The following MYO6 variants were observed in gnomAD, a reference collection of about 807,000 sequenced individuals.
MYO6 encodes myosin VI.
In MYO6, 74 loss-of-function variants were observed where a neutral mutation model predicts 178.7. That is an observed-to-expected ratio of 0.41 (90% CI 0.34 to 0.50). MYO6 has a LOEUF of 0.50. Ranked by LOEUF, MYO6 falls within the 20% of genes least tolerant of loss-of-function variation. MYO6 has a pLI of 0.09. For synonymous variants in MYO6, 477 were observed against 504.6 expected (o/e 0.95, Z 0.73); for missense variants, 1,330 against 1,547.4 (o/e 0.86, Z 2.36).
At chr6:75,889,905 G>GT in intron 25 of MYO6, 152 bp from the exon 26 acceptor site, 1 of 683,178 alleles carries the variant, frequency 1.5e-6, no homozygotes, top group Non-Finnish European at 2.5e-6. Flanking sequence ...TATTGGAGTA[G>GT]TTTTTTATTT....
chr6:75,762,371 G>A (rs1439458795), intron 1 of MYO6, among the ~76,000 whole-genome samples: 3 of 152,198 alleles, frequency 2.0e-5, no homozygotes, highest in Non-Finnish European at 2.9e-5. Context: ...TGAGAGAGCT[G>A]AGGTCTAAGT....
intron 26 of MYO6, 125 bp downstream of exon 26, chr6:75,890,390 A>G: frequency 7.3e-7 from 1 of 1,368,126 alleles, no homozygotes; most frequent in Non-Finnish European, 1.0e-6. Context: ...TCTGTTGCCC[A>G]GGCTGGAGTG....
At chr6:75,870,775 A>T (rs1583321385) in intron 19 of MYO6, 90 bp downstream of exon 19, 4 of 1,000,412 alleles carry the variant, frequency 4.0e-6, no homozygotes, top group Non-Finnish European at 4.4e-6. Context: ...ACCCTGTACT[A>T]ATTAAAAATA....
At chr6:75,793,268 C>A (rs373005172) in intron 1 of MYO6, among the ~76,000 whole-genome samples, 24 of 152,222 alleles carry the variant, frequency 1.6e-4, no homozygotes, top group African/African-American at 5.5e-4. Flanking sequence ...AGTTACAATT[C>A]TTATATAAGA....
At chr6:75,787,726 C>CTATATA (rs1562158559) in intron 1 of MYO6, among the ~76,000 whole-genome samples, 8 of 20,458 alleles carry the variant, frequency 3.9e-4, no homozygotes, top group Non-Finnish European at 5.3e-4. Context: ...CTCTCTCTCT[C>CTATATA]TCTCTATATA....
At chr6:75,903,520 T>C (rs868656329) in intron 30 of MYO6, among the ~76,000 whole-genome samples, 1 of 152,082 alleles carries the variant, frequency 6.6e-6, no homozygotes, top group African/African-American at 2.4e-5. Context: ...TGGTTTAAAG[T>C]CTGTTTTATC....
At chr6:75,771,671 G>C (rs569244150) in intron 1 of MYO6, among the ~76,000 whole-genome samples, 25 of 152,204 alleles carry the variant, frequency 1.6e-4, no homozygotes, top group African/African-American at 5.8e-4. Flanking sequence ...TTATTTACAG[G>C]AAAACAATAG....
chr6:75,799,533 A>G (rs1040992299), intron 1 of MYO6, among the ~76,000 whole-genome samples: 4 of 152,216 alleles, frequency 2.6e-5, no homozygotes, highest in African/African-American at 9.6e-5. Context: ...ATTAATATTT[A>G]AAAAGTATTA....
chr6:75,832,888 T>C lies in MYO6; in HGVS notation c.438T>C (p.Ser146=), dbSNP rs1773255262. 4 of 1,614,036 alleles carry C rather than the reference T, an allele frequency of 2.5e-6. No individual in the cohort carries two copies. The highest frequency in any genetic ancestry group is 2.5e-6 in the Non-Finnish European group (3 of 1,180,008). The stretch of plus-strand genomic sequence containing the variant: ...TGAAGGTGCTCAAGATGAGTCAGTC[T>C]ATCATTGTATCTGGAGAATCAGGAG... The part of the protein sequence containing the change: ...RDMKVLKMSQ[S]IIVSGESGAG... The change falls in exon 6 of 35, where the codon TCT becomes TCC. Residue 146 remains serine (S), a synonymous_variant. Coordinates refer to ENST00000369977, the MANE Select transcript of MYO6 (RefSeq NM_004999.4).
chr6:75,816,393 T>G (rs566514509), intron 1 of MYO6, among the ~76,000 whole-genome samples: 75 of 152,212 alleles, frequency 4.9e-4, no homozygotes, highest in Non-Finnish European at 8.5e-4. Context: ...TCTTGTTCTG[T>G]CACCCAGAAT....
chr6:75,830,021 G>T (rs1772916467), intron 4 of MYO6, among the ~76,000 whole-genome samples: 3 of 152,176 alleles, frequency 2.0e-5, no homozygotes, highest in African/African-American at 7.2e-5. Context: ...GATTTCATAA[G>T]TAGAGTCAAC....
At chr6:75,781,777 C>T (rs773421313) in intron 1 of MYO6, among the ~76,000 whole-genome samples, 20 of 151,460 alleles carry the variant, frequency 1.3e-4, no homozygotes, top group East Asian at 3.9e-4. Flanking sequence ...AAAAATTAGC[C>T]GGGTGTGGTA....
chr6:75,861,209 A>G lies in MYO6; in HGVS notation c.1546+114A>G, dbSNP rs1468770420. ...ACTTGTTATATGACTTGAAACTGGT[A>G]TTTGAGAGAAGGTTACTTCTGTATT... On this transcript the variant is annotated intron_variant, in intron 15 of 34. Transcript: ENST00000369977. The G allele has an allele frequency of 1.3e-5, 11 of 865,064 alleles. No individual in the cohort carries two copies. The East Asian group carries it at 2.7e-4, about 21-fold the overall frequency. The allele number at this position is 865,064 out of a possible 1,614,324, so 53.6% of individuals were successfully genotyped here. A position where few individuals can be genotyped will look rare whatever the true frequency, so the allele number is the denominator to read the frequency against.
chr6:75,886,734 A>T (rs1335221260), intron 24 of MYO6, 110 bp from the exon 25 acceptor site: 1 of 1,038,196 alleles, frequency 9.6e-7, no homozygotes, highest in Non-Finnish European at 1.5e-6. Context: ...AGAATAGTAG[A>T]TAATATTGAA....
intron 33 of MYO6, among the ~76,000 whole-genome samples, chr6:75,913,292 G>T (rs2149431165): frequency 6.6e-6 from 1 of 152,304 alleles, no homozygotes; most frequent in African/African-American, 2.4e-5. Flanking sequence ...AGGAATGAAA[G>T]ATTGATATGA....
At chr6:75,873,935 C>T (rs537443048) in intron 20 of MYO6, among the ~76,000 whole-genome samples, 21 of 152,124 alleles carry the variant, frequency 1.4e-4, no homozygotes, top group Non-Finnish European at 2.4e-4. Flanking sequence ...TGCTTTATGC[C>T]TTGCCCATCC....
chr6:75,798,971 T>A (rs1245650138), intron 1 of MYO6, among the ~76,000 whole-genome samples: 1 of 152,096 alleles, frequency 6.6e-6, no homozygotes, highest in Non-Finnish European at 1.5e-5. Context: ...ACGTTCAAGC[T>A]GAAAGTCAAA....
In MYO6 at chr6:75,893,596, A is replaced by T. The variant is rs1779073438; in HGVS notation, c.3107+906A>T. On this transcript the variant is annotated intron_variant, in intron 28 of 34. Transcript: ENST00000369977. ...ACAAAAGACGGGGAAGGAAAAGGGC[A>T]TATTGAGTTGCCTTCATGCTTTTTC... is the stretch of plus-strand genomic sequence containing the variant. Among the ~76,000 whole-genome samples the T allele has an allele frequency of 2.6e-5, 4 of 152,218 alleles. No homozygotes were observed. In the South Asian group the frequency reaches 6.2e-4, roughly 24 times the overall value.
chr6:75,848,242 C>A, intron 10 of MYO6, 109 bp from the exon 11 acceptor site: 1 of 1,000,736 alleles, frequency 1.0e-6, no homozygotes, highest in Non-Finnish European at 1.6e-6. Context: ...TTCCCATTGA[C>A]AGATTTTATT....
Sources: allele counts gnomAD v4.1 joint callset (sites outside exome capture counted in the v4.1 genomes callset), GRCh38; gene constraint gnomAD v4.1.1; transcripts MANE v1.5; gene names NCBI Gene and HGNC (gene_info 2026-07-23, HGNC 2026-07-21).